Variants in EPC2 observed in about 807,000 individuals in gnomAD.
The protein encoded by EPC2 is enhancer of polycomb homolog 2.
In EPC2, 14 loss-of-function variants were observed where a neutral mutation model predicts 92.1. The observed-to-expected ratio is 0.15, with a 90% CI of 0.10 to 0.24. EPC2 has a LOEUF of 0.24. EPC2 is among the 10% of genes least tolerant of loss of function. The pLI, the probability that EPC2 is intolerant of heterozygous loss-of-function variation, is 1.00. For missense variants in EPC2, 755 were observed against 971.5 expected (o/e 0.78, Z 2.96); for synonymous variants, 340 against 334.7 (o/e 1.02, Z -0.17).
At chr2:148,726,758 G>GTTTTTTTTTTTTTTTTTTTTTTTT (rs1448355101) in intron 2 of EPC2, among the ~76,000 whole-genome samples, 1 of 75,274 alleles carries the variant, frequency 1.3e-5, no homozygotes, top group Admixed American at 1.2e-4. Flanking sequence ...TTTTTGTTTT[G>GTTTTTTTTTTTTTTTTTTTTTTTT]TTTTTTGTTT....
chr2:148,665,952 C>T (rs1041357114), intron 1 of EPC2, among the ~76,000 whole-genome samples: 4 of 152,118 alleles, frequency 2.6e-5, no homozygotes, highest in East Asian at 3.9e-4. Flanking sequence ...ATCAATAATG[C>T]GACTGCTTAT....
intron 3 of EPC2, among the ~76,000 whole-genome samples, chr2:148,745,391 G>A (rs182468406): frequency 6.6e-6 from 1 of 152,234 alleles, no homozygotes; most frequent in East Asian, 1.9e-4. Flanking sequence ...GCAATATTTA[G>A]TGTCCAGGTG....
chr2:148,774,624 T>TATTTTTTTTATATATATATA (rs935978031), intron 10 of EPC2, among the ~76,000 whole-genome samples: 1 of 132,574 alleles, frequency 7.5e-6, no homozygotes, highest in African/African-American at 2.7e-5. Context: ...AAAATATATT[T>TATTTTTTTTATATATATATA]TATATATATA....
intron 8 of EPC2, among the ~76,000 whole-genome samples, chr2:148,770,080 C>G (rs1206928322): frequency 6.6e-6 from 1 of 152,152 alleles, no homozygotes; most frequent in Non-Finnish European, 1.5e-5. Flanking sequence ...GGGTCTTGCT[C>G]TGTCACCAAG....
chr2:148,750,471 G>T (rs548629536), intron 3 of EPC2, among the ~76,000 whole-genome samples: 41 of 151,912 alleles, frequency 2.7e-4, no homozygotes, highest in African/African-American at 9.7e-4. Context: ...CTTTGTTGTT[G>T]TAGTCTGAAG....
rs35739873 is a variant in EPC2, at chr2:148,657,884, TTGTGTGTG to T, written c.153+12730_153+12737del. 2.7e-5 allele frequency among the ~76,000 whole-genome samples: 4 copies of T among 149,626 alleles called. No individual in the cohort carries two copies. The South Asian group carries it at 6.3e-4, about 24-fold the overall frequency. ...AATGTTTTTTTGACTATCACTCATT[TTGTGTGTG>T]TGTGTGTGTGTGTGTAACTGAAATA... On this transcript the variant is annotated intron_variant, in intron 1 of 13. Coordinates refer to ENST00000258484, the MANE Select transcript of EPC2 (RefSeq NM_015630.4).
chr2:148,695,866 A>G (rs909750098), intron 2 of EPC2, among the ~76,000 whole-genome samples: 5 of 152,386 alleles, frequency 3.3e-5, no homozygotes, highest in Admixed American at 2.0e-4. Flanking sequence ...TGCCATGGGT[A>G]CAGAAGCAGA....
chr2:148,656,025 G>T lies in EPC2; in HGVS notation c.153+10855G>T, dbSNP rs1201124436. On this transcript the variant is annotated intron_variant, in intron 1 of 13. Coordinates refer to ENST00000258484, the MANE Select transcript of EPC2 (RefSeq NM_015630.4). ...GCTGTGTGTGTGTGTGTGTGTGTGT[G>T]GGGGGGGGGGGGGTTATTCTAGAAA... 2.4e-4 allele frequency among the ~76,000 whole-genome samples: 25 copies of T among 103,142 alleles called. No individual in the cohort carries two copies. In the Admixed American group the frequency reaches 2.4e-3, roughly 10 times the overall value. The allele number at this position is 103,142 out of a possible 152,430, so 67.7% of individuals were successfully genotyped here. A position where few individuals can be genotyped will look rare whatever the true frequency, so the allele number is the denominator to read the frequency against.
intron 1 of EPC2, among the ~76,000 whole-genome samples, chr2:148,654,382 A>T (rs1160970153): frequency 6.6e-6 from 1 of 152,224 alleles, no homozygotes; most frequent in Non-Finnish European, 1.5e-5. Context: ...ATTCCCATAC[A>T]TTATTCTGTG....
At chr2:148,668,992 TA>T (rs1205070541) in intron 1 of EPC2, among the ~76,000 whole-genome samples, 1 of 152,176 alleles carries the variant, frequency 6.6e-6, no homozygotes, top group Non-Finnish European at 1.5e-5. Flanking sequence ...TACAGGTGTT[TA>T]GTGCTGCAAA....
chr2:148,683,550 G>A (rs1681454718), intron 1 of EPC2, among the ~76,000 whole-genome samples: 1 of 152,118 alleles, frequency 6.6e-6, no homozygotes, highest in African/African-American at 2.4e-5. Context: ...ACAGCTGTGA[G>A]CCACCACACC....
chr2:148,786,452 CTCTGTGGATCACAGAGTG>C lies in EPC2; in HGVS notation c.*77_*94del. Reference sequence around the variant, plus strand: ...TTCCAGCTGAATGCAAAAGGCAACACTCTGTGGATCACAGAGTGTAACAATGGACCTAAATGGACTATA... The same window carrying C: ...TTCCAGCTGAATGCAAAAGGCAACACTAACAATGGACCTAAATGGACTATA... On this transcript the variant is annotated 3_prime_UTR_variant, in exon 14 of 14. Coordinates refer to ENST00000258484, the MANE Select transcript of EPC2 (RefSeq NM_015630.4). The C allele has an allele frequency of 8.6e-7, 1 of 1,167,976 alleles. No homozygotes were observed. Among genetic ancestry groups the C allele is most frequent in the Non-Finnish European group, 1.3e-6 (1 of 795,684 alleles). 72.4% of individuals were successfully genotyped at this position (1,167,976 alleles called of 1,614,324 possible). A position where few individuals can be genotyped will look rare whatever the true frequency, so the allele number is the denominator to read the frequency against.
At chr2:148,678,429 G>A (rs891175445) in intron 1 of EPC2, among the ~76,000 whole-genome samples, 6 of 152,252 alleles carry the variant, frequency 3.9e-5, no homozygotes, top group Admixed American at 2.0e-4. Flanking sequence ...TGGTTGATGC[G>A]ACTGGGTGCC....
At chr2:148,740,753 A>G (rs1336696199) in intron 2 of EPC2, among the ~76,000 whole-genome samples, 1 of 152,196 alleles carries the variant, frequency 6.6e-6, no homozygotes, top group East Asian at 1.9e-4. Context: ...TTATAAATTC[A>G]GTATATTGTG....
chr2:148,767,197 CA>C (rs11364622), intron 7 of EPC2, among the ~76,000 whole-genome samples: 93,889 of 124,364 alleles, frequency 0.75, 34,631 homozygotes, highest in Non-Finnish European at 0.82. Context: ...GACCCTGTTT[CA>C]AAAAAAAAAA....
chr2:148,736,722 G>T (rs899294280), intron 2 of EPC2, among the ~76,000 whole-genome samples: 6 of 151,638 alleles, frequency 4.0e-5, no homozygotes, highest in Non-Finnish European at 7.4e-5. Context: ...CAGTTCTTAA[G>T]GGCATTTGCA....
In EPC2 at chr2:148,776,856, C is replaced by CTCTCTTTTTTTTTTTTTTTTT. The variant is rs1247135854; in HGVS notation, c.1721-4787_1721-4786insCTCTTTTTTTTTTTTTTTTTT. Reference sequence around the variant, plus strand: ...ACATAGCAAGACCCTGTCTCTCTCTCTTTTTTTTTTTTTTTTTTTTTTGAG... The same window carrying CTCTCTTTTTTTTTTTTTTTTT: ...ACATAGCAAGACCCTGTCTCTCTCTCTCTCTTTTTTTTTTTTTTTTTTTTTTTTTTTTTTTTTTTTTTTGAG... On this transcript the variant is annotated intron_variant, in intron 10 of 13. Coordinates refer to ENST00000258484, the MANE Select transcript of EPC2 (RefSeq NM_015630.4). Among the ~76,000 whole-genome samples the CTCTCTTTTTTTTTTTTTTTTT allele has an allele frequency of 9.7e-4, 98 of 100,998 alleles. 1 individual carries two copies. Among genetic ancestry groups the CTCTCTTTTTTTTTTTTTTTTT allele is most frequent in the African/African-American group, 3.5e-3 (95 of 27,098 alleles). The allele number at this position is 100,998 out of a possible 152,430, so 66.3% of individuals were successfully genotyped here.
chr2:148,655,923 C>A (rs1424288687), intron 1 of EPC2, among the ~76,000 whole-genome samples: 1 of 149,368 alleles, frequency 6.7e-6, no homozygotes, highest in Admixed American at 6.8e-5. Flanking sequence ...AAAAATTTAA[C>A]AGCACAAAAG....
intron 2 of EPC2, among the ~76,000 whole-genome samples, chr2:148,734,964 T>C (rs1682722905): frequency 6.6e-6 from 1 of 152,070 alleles, no homozygotes. Flanking sequence ...TTGGCTATTA[T>C]GAATAAAGTT....
Sources: allele counts gnomAD v4.1 joint callset (sites outside exome capture counted in the v4.1 genomes callset), GRCh38; gene constraint gnomAD v4.1.1; transcripts MANE v1.5; gene names NCBI Gene and HGNC (gene_info 2026-07-23, HGNC 2026-07-21).